Variants in ABCA13 observed in about 807,000 individuals in gnomAD.
The protein encoded by ABCA13 is ATP-binding cassette sub-family A member 13.
Under a neutral mutation model 478.7 loss-of-function variants are expected in ABCA13, and 476 were observed. That is an observed-to-expected ratio of 0.99 (90% CI 0.92 to 1.07). ABCA13 has a LOEUF of 1.07. Ranked by LOEUF, ABCA13 falls within the 50% of genes least tolerant of loss-of-function variation. ABCA13 has a pLI of 0.00. For missense variants in ABCA13, 6,060 were observed against 5,910.6 expected (o/e 1.03, Z -0.83); for synonymous variants, 2,252 against 2,158.9 (o/e 1.04, Z -1.20).
intron 1 of ABCA13, among the ~76,000 whole-genome samples, chr7:48,172,573 A>T (rs941635401): frequency 6.6e-6 from 1 of 151,974 alleles, no homozygotes; most frequent in East Asian, 1.9e-4. Context: ...AGGCGGGCGG[A>T]TCACGAGGTC....
At chr7:48,551,934 C>T (rs1785365438) in intron 55 of ABCA13, among the ~76,000 whole-genome samples, 1 of 151,844 alleles carries the variant, frequency 6.6e-6, no homozygotes, top group African/African-American at 2.4e-5. Flanking sequence ...CCAAGGCAGC[C>T]TCACTTTGAT....
At chr7:48,643,136 A>G (rs969164572) in intron 59 of ABCA13, among the ~76,000 whole-genome samples, 152 bp from the exon 60 acceptor site, 3 of 152,238 alleles carry the variant, frequency 2.0e-5, no homozygotes, top group South Asian at 4.1e-4. Context: ...TTGACTTACA[A>G]TTAATTTCTG....
At chr7:48,506,998 A>G (rs772451912) in intron 49 of ABCA13, among the ~76,000 whole-genome samples, 1 of 152,140 alleles carries the variant, frequency 6.6e-6, no homozygotes, top group African/African-American at 2.4e-5. Context: ...TGACCTACCA[A>G]ATTAAGTCGC....
At chr7:48,434,367 T>C (rs1822544556) in intron 42 of ABCA13, among the ~76,000 whole-genome samples, 1 of 151,988 alleles carries the variant, frequency 6.6e-6, no homozygotes. Flanking sequence ...TTGGTTTTTG[T>C]TGTGGTGGTG....
intron 42 of ABCA13, among the ~76,000 whole-genome samples, chr7:48,445,756 A>T (rs1824210980): frequency 6.6e-6 from 1 of 152,084 alleles, no homozygotes; most frequent in African/African-American, 2.4e-5. Flanking sequence ...CAGTGAAAGA[A>T]TGCAAATTCA....
chr7:48,208,521 C>T (rs983776774), intron 3 of ABCA13, among the ~76,000 whole-genome samples: 3 of 151,726 alleles, frequency 2.0e-5, no homozygotes, highest in African/African-American at 7.3e-5. Flanking sequence ...GGATTTTTTG[C>T]TTTTTTGGTT....
In ABCA13 at chr7:48,410,691, C is replaced by T. The variant is rs74971107; in HGVS notation, c.12228+14C>T. 2 of 1,604,732 alleles carry T rather than the reference C, an allele frequency of 1.2e-6. No homozygotes were observed. Among genetic ancestry groups the T allele is most frequent in the African/African-American group, 1.3e-5 (1 of 74,736 alleles). On this transcript the variant is annotated intron_variant, in intron 40 of 61. Transcript: ENST00000435803. ...CTCACGAGGCAGGTAAGGAGTGCAACCATTCTATCTCACTGAAGTCCCATT... is the reference window on the plus strand; with the variant it reads ...CTCACGAGGCAGGTAAGGAGTGCAATCATTCTATCTCACTGAAGTCCCATT...
intron 41 of ABCA13, among the ~76,000 whole-genome samples, chr7:48,421,380 A>G (rs1487576067): frequency 6.6e-6 from 1 of 152,212 alleles, no homozygotes; most frequent in Non-Finnish European, 1.5e-5. Flanking sequence ...TTGTCCAGTA[A>G]GAAAGAACTC....
chr7:48,565,377 A>G (rs528963224), intron 55 of ABCA13, among the ~76,000 whole-genome samples: 44 of 152,204 alleles, frequency 2.9e-4, no homozygotes, highest in African/African-American at 1.1e-3. Flanking sequence ...GCCAAGCACA[A>G]AGGAATAAAA....
intron 59 of ABCA13, among the ~76,000 whole-genome samples, chr7:48,641,537 A>G (rs1165805280): frequency 1.3e-5 from 2 of 152,232 alleles, no homozygotes; most frequent in African/African-American, 4.8e-5. Flanking sequence ...AGATGAGGCA[A>G]CTGAGGTTAG....
At chr7:48,245,152 C>A (rs1791478432) in intron 11 of ABCA13, among the ~76,000 whole-genome samples, 1 of 152,160 alleles carries the variant, frequency 6.6e-6, no homozygotes, top group Non-Finnish European at 1.5e-5. Context: ...GAATGCCCTT[C>A]TTTGAACTTT....
intron 58 of ABCA13, among the ~76,000 whole-genome samples, chr7:48,613,112 T>C (rs993263689): frequency 5.3e-5 from 8 of 152,144 alleles, no homozygotes; most frequent in African/African-American, 1.9e-4. Context: ...TTTTTATTAT[T>C]TTGTTTTAAA....
intron 55 of ABCA13, among the ~76,000 whole-genome samples, chr7:48,540,271 A>G (rs1833866689): frequency 6.6e-6 from 1 of 152,152 alleles, no homozygotes; most frequent in South Asian, 2.1e-4. Context: ...TTATTTCTTC[A>G]TCCCTGGAAG....
At chr7:48,378,283 G>T (rs1002058012) in intron 35 of ABCA13, among the ~76,000 whole-genome samples, 1 of 152,140 alleles carries the variant, frequency 6.6e-6, no homozygotes, top group Admixed American at 6.5e-5. Flanking sequence ...GTATTGAGTC[G>T]TTCCTTATCC....
At chr7:48,470,008 G>A (rs1414830493) in intron 44 of ABCA13, among the ~76,000 whole-genome samples, 1 of 152,084 alleles carries the variant, frequency 6.6e-6, no homozygotes, top group Admixed American at 6.6e-5. Context: ...GTCCAAACCT[G>A]AAGGACCAAA....
chr7:48,633,714 TAA>T (rs202096204), intron 59 of ABCA13, among the ~76,000 whole-genome samples: 47 of 134,184 alleles, frequency 3.5e-4, no homozygotes, highest in Non-Finnish European at 2.9e-4. Flanking sequence ...CTTTCTCTAC[TAA>T]AAAAAAAAAA....
Position 48,272,487 on chromosome 7 carries a change from G to T in ABCA13, c.2821G>T (p.Val941Phe), listed in dbSNP as rs78575608. The change falls in exon 17 of 62, where the codon GTT (valine) becomes TTT (phenylalanine). Residue 941 changes from valine to phenylalanine, a missense_variant. By Grantham distance (50) the Val-to-Phe change is conservative. This residue lies in a region of ABCA13 where 4,423 missense variants were observed against 4,309.1 expected (regional missense o/e 1.03). Transcript: ENST00000435803. ...CCTTTCTGAACCACAAAAACAAGAA[G>T]TTGATAAAATTTTGACTCACATACA... ...SALSEPQKQE[V>F]DKILTHIHLN... 1 of 1,613,660 alleles carries T rather than the reference G, an allele frequency of 6.2e-7. No homozygotes were observed.
intron 55 of ABCA13, among the ~76,000 whole-genome samples, chr7:48,546,887 A>G (rs1184427668): frequency 2.0e-5 from 3 of 151,804 alleles, no homozygotes; most frequent in Non-Finnish European, 2.9e-5. Flanking sequence ...AATATGAATC[A>G]CAAATTAGAG....
At position 48,410,566 on chromosome 7, in the gene ABCA13, G is replaced by A. The variant is rs773235132; in HGVS notation, c.12117G>A (p.Ala4039=). The stretch of plus-strand genomic sequence containing the variant: ...CCCACCACCTGGATGAAGCTGAAGC[G>A]CTGAGTGACCGCGTGGCCGTCCTCC... ...FTTHHLDEAE[A]LSDRVAVLQH... Residue 4039 remains alanine (A), a synonymous_variant, in exon 40 of 62, where the codon GCG becomes GCA. Transcript: ENST00000435803. The A allele has an allele frequency of 6.8e-6, 11 of 1,613,898 alleles. No individual in the cohort carries two copies. The highest frequency in any genetic ancestry group is 1.6e-4 in the Middle Eastern group (1 of 6,084).
Sources: gnomAD v4.1 joint callset for allele counts (sites outside exome capture counted in the v4.1 genomes callset) on GRCh38, gnomAD v4.1.1 for gene constraint, gnomAD v4.1.1 regional missense constraint, MANE v1.5 for transcripts, NCBI Gene and HGNC (gene_info 2026-07-23, HGNC 2026-07-21) for gene names.